Variants in ZMYND11 observed in about 807,000 individuals in gnomAD.
ZMYND11 encodes zinc finger MYND domain-containing protein 11.
In ZMYND11, 9 loss-of-function variants were observed where a neutral mutation model predicts 84.9. That is an observed-to-expected ratio of 0.11 (90% CI 0.06 to 0.18). The LOEUF (loss-of-function observed/expected upper bound fraction) is 0.18, where lower values mean the gene tolerates loss of function less well. Among genes scored for constraint, ZMYND11 ranks in the 10% least tolerant of loss-of-function variants. ZMYND11 has a pLI of 1.00. For synonymous variants in ZMYND11, 250 were observed against 244.1 expected (o/e 1.02, Z -0.23); for missense variants, 409 against 761.0 (o/e 0.54, Z 5.44).
chr10:159,436 A>G (rs564509304), intron 1 of ZMYND11, among the ~76,000 whole-genome samples: 6 of 152,314 alleles, frequency 3.9e-5, no homozygotes, highest in East Asian at 3.9e-4. Context: ...TGCTAGTCTA[A>G]TAAGTAGAAA....
chr10:164,629 C>A (rs1371160094), intron 1 of ZMYND11, among the ~76,000 whole-genome samples: 1 of 152,148 alleles, frequency 6.6e-6, no homozygotes, highest in Non-Finnish European at 1.5e-5. Context: ...TACTCAGATT[C>A]CATTTGTCAA....
At chr10:202,335 C>T (rs1244293047) in intron 2 of ZMYND11, among the ~76,000 whole-genome samples, 1 of 152,026 alleles carries the variant, frequency 6.6e-6, no homozygotes, top group African/African-American at 2.4e-5. Flanking sequence ...TTCTTAAGAA[C>T]ATAACAATAT....
At chr10:240,847 G>A (rs1290197448) in intron 8 of ZMYND11, 46 bp from the exon 9 acceptor site, 2 of 1,295,012 alleles carry the variant, frequency 1.5e-6, no homozygotes, top group African/African-American at 1.5e-5. Flanking sequence ...AGTTTAATGT[G>A]TATGTATATT....
chr10:154,716 A>G (rs900758629), intron 1 of ZMYND11: 7 of 152,236 alleles, frequency 4.6e-5, no homozygotes, highest in African/African-American at 1.7e-4. Context: ...GGATTTTTAT[A>G]TCTTTTAATA....
intron 1 of ZMYND11, among the ~76,000 whole-genome samples, chr10:155,809 A>G (rs981672456): frequency 3.3e-5 from 5 of 152,162 alleles, no homozygotes; most frequent in African/African-American, 1.2e-4. Context: ...CTCTTTTACC[A>G]TAACCAAAGA....
At chr10:228,742 A>C (rs187517579) in intron 4 of ZMYND11, among the ~76,000 whole-genome samples, 4 of 152,326 alleles carry the variant, frequency 2.6e-5, no homozygotes, top group African/African-American at 7.2e-5. Flanking sequence ...GACTAGTGTT[A>C]TGTAGAAGGG....
At chr10:188,247 C>A (rs1043007676) in intron 2 of ZMYND11, among the ~76,000 whole-genome samples, 1 of 152,112 alleles carries the variant, frequency 6.6e-6, no homozygotes, top group Admixed American at 6.6e-5. Context: ...AATCATGTAA[C>A]AACAAAATCA....
upstream of ZMYND11, among the ~76,000 whole-genome samples, chr10:133,292 T>C (rs1254198661): frequency 3.3e-5 from 5 of 152,238 alleles, no homozygotes; most frequent in Non-Finnish European, 7.3e-5. Context: ...TATTTATTAA[T>C]AGTTTTATTT....
chr10:248,801 A>G, intron 13 of ZMYND11, 102 bp from the exon 14 acceptor site: 5 of 1,444,576 alleles, frequency 3.5e-6, no homozygotes, highest in African/African-American at 1.4e-5. Context: ...AATGAAGGGG[A>G]AAAAAGGTAC....
At chr10:250,348 C>T (rs183342228) in intron 14 of ZMYND11, among the ~76,000 whole-genome samples, 3 of 152,322 alleles carry the variant, frequency 2.0e-5, no homozygotes, top group Non-Finnish European at 4.4e-5. Flanking sequence ...CACCCAAAGA[C>T]GCCAGGTGCA....
chr10:161,991 G>A (rs1465908968), intron 1 of ZMYND11, among the ~76,000 whole-genome samples: 1 of 152,164 alleles, frequency 6.6e-6, no homozygotes, highest in African/African-American at 2.4e-5. Context: ...CCAGCTTTCC[G>A]CCTGTCTTGG....
At chr10:240,179 C>T in intron 8 of ZMYND11, 68 bp downstream of exon 8, 2 of 1,307,756 alleles carry the variant, frequency 1.5e-6, no homozygotes, top group Non-Finnish European at 2.1e-6. Context: ...GGATTCCACT[C>T]TTATCTACAT....
chr10:149,285 G>GTTATTGTTA, intron 1 of ZMYND11, among the ~76,000 whole-genome samples: 1 of 139,316 alleles, frequency 7.2e-6, no homozygotes, highest in East Asian at 2.1e-4. Flanking sequence ...TGAGGTGGTT[G>GTTATTGTTA]TTATTATTAT....
chr10:235,010 GAA>G (rs1949710308), intron 4 of ZMYND11, among the ~76,000 whole-genome samples: 1 of 151,638 alleles, frequency 6.6e-6, no homozygotes, highest in Non-Finnish European at 1.5e-5. Context: ...GTGTGTGTGT[GAA>G]AAGCACTGGG....
chr10:246,398 C>T (rs1371974884), intron 10 of ZMYND11, among the ~76,000 whole-genome samples: 2 of 152,178 alleles, frequency 1.3e-5, no homozygotes, highest in Admixed American at 6.5e-5. Context: ...CAACAAATAA[C>T]TTTAAAAGGA....
At chr10:191,855 G>GT (rs771346317) in intron 2 of ZMYND11, among the ~76,000 whole-genome samples, 1 of 151,964 alleles carries the variant, frequency 6.6e-6, no homozygotes, top group African/African-American at 2.4e-5. Context: ...CTTGGCCACC[G>GT]TAAGTTATTA....
At chr10:234,662 A>G (rs768459585) in intron 4 of ZMYND11, among the ~76,000 whole-genome samples, 1 of 152,180 alleles carries the variant, frequency 6.6e-6, no homozygotes, top group Non-Finnish European at 1.5e-5. Flanking sequence ...TTGGCATGAG[A>G]GAAGGCCATG....
intron 2 of ZMYND11, among the ~76,000 whole-genome samples, chr10:202,655 T>C (rs998927021): frequency 5.9e-5 from 9 of 152,210 alleles, no homozygotes; most frequent in Admixed American, 2.0e-4. Context: ...CCTTCAGCCA[T>C]ACTCTCTCCT....
At chr10:249,481 TC>T (rs1564468786) in intron 14 of ZMYND11, 1 of 984,754 alleles carries the variant, frequency 1.0e-6, no homozygotes, top group Non-Finnish European at 1.2e-6. Flanking sequence ...ATAAATAGTT[TC>T]AGATTTCCCT....
Sources: allele counts gnomAD v4.1 joint callset (sites outside exome capture counted in the v4.1 genomes callset), GRCh38; gene constraint gnomAD v4.1.1; transcripts MANE v1.5; gene names NCBI Gene and HGNC (gene_info 2026-07-23, HGNC 2026-07-21).